The following RAP1A variants were observed in gnomAD, a reference collection of about 807,000 sequenced individuals.
RAP1A encodes RAP1A, member of RAS oncogene family.
RAP1A carries 6 observed loss-of-function variants against 26.4 expected under a neutral mutation model. That is an observed-to-expected ratio of 0.23 (90% CI 0.12 to 0.45). The LOEUF is 0.45. Ranked by LOEUF, RAP1A falls within the 20% of genes least tolerant of loss-of-function variation. The pLI is 0.99. For synonymous variants in RAP1A, 73 were observed against 79.4 expected, an observed-to-expected ratio of 0.92 and a Z score of 0.43; for missense variants, 121 against 217.2, an observed-to-expected ratio of 0.56 and a Z score of 2.78.
At chr1:111,692,547 T>C (rs1173467367) in intron 2 of RAP1A, among the ~76,000 whole-genome samples, 4 of 152,144 alleles carry the variant, frequency 2.6e-5, no homozygotes, top group Admixed American at 1.3e-4. Flanking sequence ...TGCAAAATGG[T>C]GTGGTCAGGG....
intron 1 of RAP1A, among the ~76,000 whole-genome samples, chr1:111,644,595 C>T (rs779740499): frequency 3.8e-4 from 58 of 152,144 alleles, no homozygotes; most frequent in Non-Finnish European, 1.3e-4. Flanking sequence ...TGTCACAAGG[C>T]TGTTACCAAA....
At chr1:111,640,669 A>G (rs1022443686) in intron 1 of RAP1A, among the ~76,000 whole-genome samples, 1 of 152,186 alleles carries the variant, frequency 6.6e-6, no homozygotes, top group African/African-American at 2.4e-5. Flanking sequence ...TTAATAATTC[A>G]CTATTTTTGA....
chr1:111,633,225 G>A (rs1659627271), intron 1 of RAP1A, among the ~76,000 whole-genome samples: 1 of 152,118 alleles, frequency 6.6e-6, no homozygotes, highest in Non-Finnish European at 1.5e-5. Flanking sequence ...TTTCCTGGTG[G>A]ATTTCTGTAT....
intron 4 of RAP1A, among the ~76,000 whole-genome samples, chr1:111,699,394 T>C (rs1056917494): frequency 3.3e-5 from 5 of 151,858 alleles, no homozygotes; most frequent in Admixed American, 3.3e-4. Flanking sequence ...ATAATACCTC[T>C]CTAATCTAAT....
At chr1:111,614,578 A>G (rs1051513491) in intron 1 of RAP1A, among the ~76,000 whole-genome samples, 4 of 152,236 alleles carry the variant, frequency 2.6e-5, no homozygotes, top group African/African-American at 9.6e-5. Context: ...TTGGGGAGGA[A>G]GAAATTCTCA....
chr1:111,636,132 G>A (rs1244013122), intron 1 of RAP1A, among the ~76,000 whole-genome samples: 4 of 152,110 alleles, frequency 2.6e-5, no homozygotes, highest in African/African-American at 7.3e-5. Flanking sequence ...CAAGGCTGAT[G>A]TGCTGAACAA....
At chr1:111,643,099 G>T (rs1659946575) in intron 1 of RAP1A, among the ~76,000 whole-genome samples, 1 of 152,160 alleles carries the variant, frequency 6.6e-6, no homozygotes, top group Non-Finnish European at 1.5e-5. Context: ...GGGCCAGATA[G>T]TAAGTACTTT....
At chr1:111,652,171 G>A (rs1660294858) in intron 1 of RAP1A, among the ~76,000 whole-genome samples, 1 of 151,706 alleles carries the variant, frequency 6.6e-6, no homozygotes, top group Non-Finnish European at 1.5e-5. Flanking sequence ...ACCAGGTTTC[G>A]CCATATTGGC....
intron 1 of RAP1A, among the ~76,000 whole-genome samples, chr1:111,664,373 C>CAAAAAAAAAAAAA (rs57610280): frequency 1.3e-3 from 121 of 89,868 alleles, no homozygotes; most frequent in African/African-American, 1.5e-3. Context: ...GACTCCGTCT[C>CAAAAAAAAAAAAA]AAAAAAAAAA....
chr1:111,674,791 G>A (rs988260896), intron 1 of RAP1A, among the ~76,000 whole-genome samples: 1 of 152,052 alleles, frequency 6.6e-6, no homozygotes, highest in Non-Finnish European at 1.5e-5. Flanking sequence ...CCTCAGAAAA[G>A]CATTGCCCCT....
At chr1:111,686,521 AAAAG>A (rs1311722861) in intron 1 of RAP1A, 1 of 151,626 alleles carries the variant, frequency 6.6e-6, no homozygotes, top group African/African-American at 2.4e-5. Flanking sequence ...AAGAGAAAAA[AAAAG>A]AAAAAGAAAA....
At chr1:111,662,161 C>T (rs1452189925) in intron 1 of RAP1A, among the ~76,000 whole-genome samples, 2 of 151,762 alleles carry the variant, frequency 1.3e-5, no homozygotes, top group African/African-American at 2.4e-5. Flanking sequence ...TTTGGGAGGC[C>T]GAGGCGGGCA....
intron 1 of RAP1A, among the ~76,000 whole-genome samples, chr1:111,605,128 G>C (rs536124058): frequency 2.6e-4 from 39 of 152,306 alleles, no homozygotes; most frequent in Admixed American, 6.5e-4. Flanking sequence ...CCCAAACCCA[G>C]ACTATGCTGT....
At position 111,697,432 on chromosome 1, in the gene RAP1A, C is replaced by G. The variant is rs773548444; in HGVS notation, c.127-9C>G. ...CTCTTTAACCTTTTTTTTTTTTTTG[C>G]CCCCACAGCAAGTTGAAGTCGATTG... is the stretch of plus-strand genomic sequence containing the variant. On this transcript the variant is annotated splice_polypyrimidine_tract_variant and intron_variant, in intron 3 of 7. Transcript: ENST00000369709. The G allele has an allele frequency of 4.4e-6, 7 of 1,584,436 alleles. No individual in the cohort carries two copies. Among genetic ancestry groups the G allele is most frequent in the Admixed American group, 3.6e-5 (2 of 55,240 alleles).
intron 1 of RAP1A, among the ~76,000 whole-genome samples, chr1:111,644,455 A>T (rs1660003543): frequency 6.6e-6 from 1 of 152,064 alleles, no homozygotes; most frequent in African/African-American, 2.4e-5. Context: ...CTTCCCGGGA[A>T]ACTCAGCCTG....
intron 1 of RAP1A, among the ~76,000 whole-genome samples, chr1:111,552,503 G>A (rs1054475548): frequency 1.2e-4 from 19 of 152,152 alleles, no homozygotes; most frequent in African/African-American, 4.6e-4. Context: ...TTATGTTGGA[G>A]TTCATTTTCA....
At chr1:111,627,255 C>T (rs1192575751) in intron 1 of RAP1A, among the ~76,000 whole-genome samples, 1 of 151,844 alleles carries the variant, frequency 6.6e-6, no homozygotes. Context: ...CTTGCATGTA[C>T]GGATTTTTTA....
chr1:111,588,004 C>T (rs1007910254), intron 1 of RAP1A, among the ~76,000 whole-genome samples: 1 of 152,164 alleles, frequency 6.6e-6, no homozygotes, highest in Non-Finnish European at 1.5e-5. Context: ...TACACTATTT[C>T]AGCTTCTGCA....
At chr1:111,634,819 A>G (rs942997154) in intron 1 of RAP1A, among the ~76,000 whole-genome samples, 7 of 151,536 alleles carry the variant, frequency 4.6e-5, no homozygotes, top group African/African-American at 1.7e-4. Context: ...TAATTTTTGT[A>G]TTTTTAGTAG....
Sources: allele counts gnomAD v4.1 joint callset (sites outside exome capture counted in the v4.1 genomes callset), GRCh38; gene constraint gnomAD v4.1.1; transcripts MANE v1.5; gene names NCBI Gene and HGNC (gene_info 2026-07-23, HGNC 2026-07-21).